The following TOR3A variants were observed in gnomAD, a reference collection of about 807,000 sequenced individuals.
TOR3A encodes the protein torsin-3A.
In TOR3A, 44 loss-of-function variants were observed where a neutral mutation model predicts 42.1. The observed-to-expected ratio is 1.04, with a 90% confidence interval of 0.82 to 1.34. The LOEUF is 1.34. Among genes scored for constraint, TOR3A ranks in the 40% most tolerant of loss-of-function variants. The pLI is 0.00. For missense variants in TOR3A, 521 were observed against 507.6 expected, an observed-to-expected ratio of 1.03 and a Z score of -0.25; for synonymous variants, 227 against 213.2, an observed-to-expected ratio of 1.06 and a Z score of -0.57.
intron 4 of TOR3A, among the ~76,000 whole-genome samples, chr1:179,092,055 A>T (rs570100488): frequency 3.6e-4 from 55 of 152,298 alleles, no homozygotes; most frequent in African/African-American, 1.3e-3. Context: ...GCCCCTGGTA[A>T]ATTCTGGCAG....
intron 1 of TOR3A, 159 bp from the exon 2 acceptor site, chr1:179,082,781 G>A: frequency 1.4e-6 from 1 of 712,102 alleles, no homozygotes; most frequent in South Asian, 1.5e-5. Flanking sequence ...GCTTTTGGAC[G>A]CAGGGCTTGA....
rs377669803 is a variant in TOR3A at position 179,082,260 on chromosome 1, C to T, written c.132C>T (p.Gly44=). The T allele has an allele frequency of 6.4e-5, 99 of 1,554,880 alleles. No individual in the cohort carries two copies. The highest frequency in any genetic ancestry group is 8.0e-5 in the Non-Finnish European group (93 of 1,157,792). Residue 44 remains glycine, a synonymous_variant, in exon 1 of 6, where the codon GGC becomes GGT. Transcript: ENST00000367627. ...CGGGCTCGGCCTGGGCCTGGCCGGGCTTCCAGCGCCTGCAGGAGCAGCTCA... is the reference window on the plus strand; with the variant it reads ...CGGGCTCGGCCTGGGCCTGGCCGGGTTTCCAGCGCCTGCAGGAGCAGCTCA... The part of the protein sequence containing the change: ...DEPGSAWAWP[G]FQRLQEQLRA...
In TOR3A at chr1:179,095,442, G is replaced by T; in HGVS notation, c.*224G>T. ...GTCCCACCGAGATAGATAGGAACTT[G>T]GATTGCTGAATTCAAAAACAGAGCC... is the stretch of plus-strand genomic sequence containing the variant. On this transcript the variant is annotated 3_prime_UTR_variant, in exon 6 of 6. Transcript: ENST00000367627. 1 of 1,379,722 alleles carries T rather than the reference G, an allele frequency of 7.2e-7. No individual in the cohort carries two copies. The highest frequency in any genetic ancestry group is 9.4e-7 in the Non-Finnish European group (1 of 1,069,034). The allele number at this position is 1,379,722 out of a possible 1,614,324, so 85.5% of individuals were successfully genotyped here.
At chr1:179,082,482 T>C in intron 1 of TOR3A, 95 bp downstream of exon 1, 1 of 1,460,364 alleles carries the variant, frequency 6.8e-7, no homozygotes, top group Non-Finnish European at 9.1e-7. Context: ...GGGCGACATC[T>C]GGGCCCGCAG....
rs760723566 is a variant in TOR3A, at chr1:179,085,839, G to A, written c.585G>A (p.Arg195=). The A allele has an allele frequency of 5.9e-5, 95 of 1,614,070 alleles. No homozygotes were observed. The highest frequency in any genetic ancestry group is 1.3e-4 in the Admixed American group (8 of 60,006). ...ACGGGCTGATGAGTGACTGTGTCAG[G>A]ATGTTCATCGCCACGTTCCACTTTC... ...YRDGLMSDCV[R]MFIATFHFPH... The change falls in exon 3 of 6, where the codon AGG becomes AGA. Residue 195 remains arginine, a synonymous_variant. Coordinates refer to ENST00000367627, the MANE Select transcript of TOR3A (RefSeq NM_022371.4).
intron 4 of TOR3A, 130 bp from the exon 5 acceptor site, chr1:179,093,963 G>A (rs1652664118): frequency 1.7e-6 from 2 of 1,201,824 alleles, no homozygotes; most frequent in Non-Finnish European, 2.3e-6. Context: ...AGGTCTCCTG[G>A]AAGAGAGAGA....
At chr1:179,092,099 G>A (rs1342950275) in intron 4 of TOR3A, among the ~76,000 whole-genome samples, 1 of 152,212 alleles carries the variant, frequency 6.6e-6, no homozygotes, top group East Asian at 1.9e-4. Flanking sequence ...CCTACAATGA[G>A]GCACCTAGCT....
intron 4 of TOR3A, among the ~76,000 whole-genome samples, chr1:179,090,439 T>G (rs1421376141): frequency 4.6e-5 from 7 of 152,200 alleles, no homozygotes; most frequent in Admixed American, 4.6e-4. Flanking sequence ...TATAATGAGC[T>G]TCAGTTAATC....
intron 4 of TOR3A, among the ~76,000 whole-genome samples, chr1:179,092,401 T>C (rs1379308242): frequency 1.3e-5 from 2 of 152,172 alleles, no homozygotes; most frequent in Admixed American, 1.3e-4. Context: ...CCCTGTCCTT[T>C]ACCCTCCCTC....
chr1:179,088,698 A>T (rs758142219), intron 4 of TOR3A, among the ~76,000 whole-genome samples: 3 of 152,228 alleles, frequency 2.0e-5, no homozygotes, highest in Non-Finnish European at 4.4e-5. Context: ...TGACGCTACC[A>T]TGCGGGACCC....
intron 1 of TOR3A, chr1:179,082,646 C>T (rs1479411041): frequency 5.6e-6 from 4 of 708,194 alleles, no homozygotes; most frequent in Admixed American, 4.0e-5. Flanking sequence ...CCTGCGCTTT[C>T]CAGATTCTCT....
chr1:179,082,423 G>A (rs1463581551), intron 1 of TOR3A, 36 bp downstream of exon 1: 3 of 1,569,066 alleles, frequency 1.9e-6, no homozygotes, highest in Non-Finnish European at 2.6e-6. Flanking sequence ...CGTTCGCTGC[G>A]GAGCAGAGTG....
At chr1:179,093,494 A>G (rs1027404077) in intron 4 of TOR3A, among the ~76,000 whole-genome samples, 10 of 152,248 alleles carry the variant, frequency 6.6e-5, no homozygotes, top group Admixed American at 5.9e-4. Context: ...GGGTTTTTCA[A>G]TTGTGCCTCC....
intron 1 of TOR3A, 48 bp downstream of exon 1, chr1:179,082,435 G>T (rs773419116): frequency 6.4e-7 from 1 of 1,556,654 alleles, no homozygotes. Flanking sequence ...AGCAGAGTGC[G>T]ATCCGGGCGC....
intron 4 of TOR3A, among the ~76,000 whole-genome samples, chr1:179,092,894 C>T (rs1652630355): frequency 6.6e-6 from 1 of 151,938 alleles, no homozygotes; most frequent in Non-Finnish European, 1.5e-5. Context: ...GTCTCAGCTA[C>T]TTAGGAGGCT....
In TOR3A at chr1:179,082,367, A is replaced by C. The variant is rs1652312187; in HGVS notation, c.239A>C (p.Glu80Ala). The change falls in exon 1 of 6, where the codon GAG becomes GCG. Residue 80 changes from glutamate to alanine, a missense_variant. Transcript: ENST00000367627. ...VWPDDCDEDE[E>A]AATGPLGWRL... is the part of the protein sequence containing the mutation. ...CCCGACGACTGTGACGAGGACGAGG[A>C]GGCAGCCACGGGGCCCCTGGGTAAG... is the stretch of plus-strand genomic sequence containing the variant. The C allele has an allele frequency of 6.2e-7, 1 of 1,606,280 alleles. No homozygotes were observed. The highest frequency in any genetic ancestry group is 1.4e-5 in the African/African-American group (1 of 73,928).
Position 179,095,954 on chromosome 1 carries a change from G to C in TOR3A, c.*736G>C. ...AATAGGGGGTCTTGACATGTTTGTT[G>C]TATGTAAAGATGATAAGATTAAAAT... On this transcript the variant is annotated 3_prime_UTR_variant, in exon 6 of 6. Coordinates refer to ENST00000367627, the MANE Select transcript of TOR3A (RefSeq NM_022371.4). 1 of 985,312 alleles carries C rather than the reference G, an allele frequency of 1.0e-6. No individual in the cohort carries two copies. Among genetic ancestry groups the C allele is most frequent in the Non-Finnish European group, 1.2e-6 (1 of 829,908 alleles). The allele number at this position is 985,312 out of a possible 1,614,324, so 61.0% of individuals were successfully genotyped here.
chr1:179,087,885 C>G (rs1385487344), intron 3 of TOR3A, 26 bp from the exon 4 acceptor site: 1 of 1,515,034 alleles, frequency 6.6e-7, no homozygotes, highest in Non-Finnish European at 8.8e-7. Context: ...CACCACTTCC[C>G]CAGCTGCTCC....
Position 179,085,652 on chromosome 1 carries a change from G to A in TOR3A, c.398G>A (p.Arg133Gln), listed in dbSNP as rs775530027. 1.5e-5 allele frequency: 25 copies of A among 1,614,000 alleles called. No individual in the cohort carries two copies. The highest frequency in any genetic ancestry group is 5.5e-5 in the South Asian group (5 of 91,084). The change falls in exon 3 of 6, where the codon CGG becomes CAG. Residue 133 changes from arginine (R) to glutamine (Q), a missense_variant. Transcript: ENST00000367627. Reference sequence around the variant, plus strand: ...GGCTTAGAGTGGGACCTGAATGTGCGGCTGCATGGCCAGCATTTGGTCCAG... The same window carrying A: ...GGCTTAGAGTGGGACCTGAATGTGCAGCTGCATGGCCAGCATTTGGTCCAG... ...FTGLEWDLNV[R>Q]LHGQHLVQQL...
Sources: allele counts gnomAD v4.1 joint callset (sites outside exome capture counted in the v4.1 genomes callset), GRCh38; gene constraint gnomAD v4.1.1; transcripts MANE v1.5; gene names NCBI Gene and HGNC (gene_info 2026-07-23, HGNC 2026-07-21).